SGCZ: variants seen among roughly 807,000 people sequenced by gnomAD.
SGCZ encodes the protein sarcoglycan zeta.
In SGCZ, 40 loss-of-function variants were observed where a neutral mutation model predicts 41.3. The ratio of observed to expected loss-of-function variants is 0.97; its 90% CI spans 0.75 to 1.26. The LOEUF is 1.26. Ranked by LOEUF, SGCZ falls within the 50% of genes most tolerant of loss-of-function variation. The probability of loss-of-function intolerance (pLI) is 0.00; values close to 1 mark genes in which losing one functional copy is unlikely to be tolerated. For synonymous variants in SGCZ, 206 were observed against 137.5 expected (o/e 1.50, Z -3.49); for missense variants, 552 against 369.8 (o/e 1.49, Z -4.04).
chr8:14,146,618 A>G (rs1473829929), intron 5 of SGCZ, among the ~76,000 whole-genome samples: 1 of 152,120 alleles, frequency 6.6e-6, no homozygotes, highest in Non-Finnish European at 1.5e-5. Context: ...TCCAAAAATA[A>G]TAACTACACT....
chr8:15,121,587 T>C (rs1807479564), intron 1 of SGCZ, among the ~76,000 whole-genome samples: 1 of 152,154 alleles, frequency 6.6e-6, no homozygotes, highest in East Asian at 1.9e-4. Context: ...AATGATTCTA[T>C]GCATATATAA....
chr8:14,714,864 T>G (rs952872868), intron 1 of SGCZ, among the ~76,000 whole-genome samples: 1 of 152,130 alleles, frequency 6.6e-6, no homozygotes, highest in African/African-American at 2.4e-5. Flanking sequence ...TACCAGGGAA[T>G]GCGGGGATGT....
chr8:14,725,809 A>T (rs1483165782), intron 1 of SGCZ, among the ~76,000 whole-genome samples: 2 of 152,192 alleles, frequency 1.3e-5, no homozygotes, highest in Non-Finnish European at 2.9e-5. Context: ...AAATATACAA[A>T]AGATTTAGAC....
At chr8:14,247,807 T>G (rs902690856) in intron 3 of SGCZ, among the ~76,000 whole-genome samples, 1 of 152,182 alleles carries the variant, frequency 6.6e-6, no homozygotes, top group African/African-American at 2.4e-5. Flanking sequence ...CCAGTCAGTA[T>G]GTTCACTATG....
intron 1 of SGCZ, among the ~76,000 whole-genome samples, chr8:14,666,652 G>A (rs970516490): frequency 3.6e-5 from 5 of 139,270 alleles, no homozygotes; most frequent in African/African-American, 5.4e-5. Context: ...CCCTAATAGA[G>A]AGACAAGGAC....
chr8:14,590,094 G>A (rs540274663), intron 1 of SGCZ, among the ~76,000 whole-genome samples: 1 of 145,552 alleles, frequency 6.9e-6, no homozygotes, highest in South Asian at 2.2e-4. Flanking sequence ...AATTGATGAG[G>A]ATTGTTCTTT....
chr8:14,955,186 A>G (rs942486892), intron 1 of SGCZ, among the ~76,000 whole-genome samples: 1 of 152,214 alleles, frequency 6.6e-6, no homozygotes, highest in Non-Finnish European at 1.5e-5. Flanking sequence ...TAAAAAAAAG[A>G]AAACTTCAAA....
intron 2 of SGCZ, among the ~76,000 whole-genome samples, chr8:14,457,875 G>C (rs1323848727): frequency 6.6e-6 from 1 of 152,088 alleles, no homozygotes; most frequent in Non-Finnish European, 1.5e-5. Context: ...GCCACTACCG[G>C]TCTCCGCGCA....
chr8:14,578,973 T>C (rs978759732), intron 1 of SGCZ, among the ~76,000 whole-genome samples: 3 of 152,196 alleles, frequency 2.0e-5, no homozygotes, highest in Non-Finnish European at 4.4e-5. Context: ...ATAAATTCTC[T>C]ACATTTTGAA....
chr8:15,143,241 G>A (rs1443806608), intron 1 of SGCZ, among the ~76,000 whole-genome samples: 2 of 152,150 alleles, frequency 1.3e-5, no homozygotes, highest in Non-Finnish European at 2.9e-5. Flanking sequence ...CCAGTAGAAT[G>A]AGTGTTCCAC....
chr8:14,797,351 G>C (rs1801169251), intron 1 of SGCZ, among the ~76,000 whole-genome samples: 1 of 152,152 alleles, frequency 6.6e-6, no homozygotes, highest in Non-Finnish European at 1.5e-5. Flanking sequence ...GTCTCAGATG[G>C]AGACGAGGAA....
intron 1 of SGCZ, among the ~76,000 whole-genome samples, chr8:15,116,489 C>T (rs1383552063): frequency 6.6e-6 from 1 of 152,102 alleles, no homozygotes; most frequent in African/African-American, 2.4e-5. Context: ...TGCCTTAGAT[C>T]AATTTTAAAC....
chr8:14,204,505 A>T (rs1323542278), intron 4 of SGCZ, among the ~76,000 whole-genome samples: 1 of 152,080 alleles, frequency 6.6e-6, no homozygotes, highest in Non-Finnish European at 1.5e-5. Flanking sequence ...CTGGTCTGTG[A>T]TGGTTAATTT....
At chr8:15,097,470 T>C (rs955614094) in intron 1 of SGCZ, among the ~76,000 whole-genome samples, 5 of 151,936 alleles carry the variant, frequency 3.3e-5, no homozygotes, top group African/African-American at 9.7e-5. Flanking sequence ...ATTGCTAGGA[T>C]GGGCATGGTT....
intron 1 of SGCZ, among the ~76,000 whole-genome samples, chr8:15,073,793 C>A (rs543514393): frequency 4.6e-4 from 70 of 152,258 alleles, no homozygotes; most frequent in African/African-American, 1.6e-3. Flanking sequence ...CTTTAAAATA[C>A]ACCTGTCTTC....
chr8:14,588,486 T>C (rs1468630923), intron 1 of SGCZ, among the ~76,000 whole-genome samples: 2 of 152,156 alleles, frequency 1.3e-5, no homozygotes, highest in African/African-American at 4.8e-5. Context: ...AACGATAATT[T>C]AGTTCACTAA....
At chr8:14,187,058 G>C (rs1366134118) in intron 4 of SGCZ, among the ~76,000 whole-genome samples, 2 of 152,184 alleles carry the variant, frequency 1.3e-5, no homozygotes, top group African/African-American at 4.8e-5. Flanking sequence ...GGAAAGAGAA[G>C]TCAAAGAGAG....
intron 1 of SGCZ, among the ~76,000 whole-genome samples, chr8:15,097,203 C>A (rs1806380758): frequency 6.6e-6 from 1 of 152,114 alleles, no homozygotes; most frequent in South Asian, 2.1e-4. Flanking sequence ...GACAGTTTCA[C>A]CAACTTCATA....
intron 1 of SGCZ, among the ~76,000 whole-genome samples, chr8:14,993,314 C>A (rs923816020): frequency 6.6e-6 from 1 of 152,048 alleles, no homozygotes; most frequent in African/African-American, 2.4e-5. Flanking sequence ...ATATATTCAA[C>A]AAATATTTAT....
Sources: allele counts gnomAD v4.1 joint callset (sites outside exome capture counted in the v4.1 genomes callset), GRCh38; gene constraint gnomAD v4.1.1; transcripts MANE v1.5; gene names NCBI Gene and HGNC (gene_info 2026-07-23, HGNC 2026-07-21).